NOSIP: variants seen among roughly 807,000 people sequenced by gnomAD.
The protein encoded by NOSIP is nitric oxide synthase-interacting protein.
NOSIP carries 25 observed loss-of-function variants against 36.4 expected under a neutral mutation model. That is an observed-to-expected ratio of 0.69 (90% confidence interval 0.50 to 0.96). The LOEUF (loss-of-function observed/expected upper bound fraction) is 0.96. Among genes scored for constraint, NOSIP ranks in the 40% least tolerant of loss-of-function variants. The probability of loss-of-function intolerance (pLI) is 0.00; values close to 1 mark genes in which losing one functional copy is unlikely to be tolerated. For synonymous variants in NOSIP, 187 were observed against 179.2 expected (o/e 1.04, Z -0.35); for missense variants, 370 against 429.0 (o/e 0.86, Z 1.21).
At chr19:49,559,009 G>A (rs781263509) in intron 3 of NOSIP, 31 bp from the exon 4 acceptor site, 2 of 1,583,874 alleles carry the variant, frequency 1.3e-6, no homozygotes, top group Admixed American at 3.3e-5. Flanking sequence ...GAGAAAGAAA[G>A]AAAGTGATCC....
intron 1 of NOSIP, among the ~76,000 whole-genome samples, chr19:49,580,300 G>C (rs1450554453): frequency 7.1e-6 from 1 of 140,716 alleles, no homozygotes; most frequent in Non-Finnish European, 1.6e-5. Flanking sequence ...GAGAGAGAGA[G>C]ACAAAGAGAG....
In NOSIP at chr19:49,564,471, A is replaced by T. The variant is rs545166856; in HGVS notation, c.-1-3779T>A. 2.6e-5 allele frequency among the ~76,000 whole-genome samples: 4 copies of T among 151,572 alleles called. No individual in the cohort carries two copies. The East Asian group carries it at 5.8e-4, about 22-fold the overall frequency. On this transcript the variant is annotated intron_variant, in intron 1 of 8. Coordinates refer to ENST00000596358, the MANE Select transcript of NOSIP (RefSeq NM_001270960.2). Reference sequence around the variant, plus strand: ...TCCATCTCAAAAAAAAAAAAAAAAAAAAAAACAAAATAAAACTTCATTGAG... The same window carrying T: ...TCCATCTCAAAAAAAAAAAAAAAAATAAAAACAAAATAAAACTTCATTGAG...
Position 49,559,931 on chromosome 19 carries a change from C to T in NOSIP, c.176+3G>A. 1.2e-6 allele frequency: 2 copies of T among 1,606,394 alleles called. No homozygotes were observed. Among genetic ancestry groups the T allele is most frequent in the Non-Finnish European group, 8.5e-7 (1 of 1,173,820 alleles). On this transcript the variant is annotated splice_donor_region_variant and intron_variant, in intron 3 of 8. Transcript: ENST00000596358. ...GACCTACCCATCCCTGTTCCCAGCT[C>T]ACGTGACAACAGGATCGTGGCAAGG...
Position 49,557,130 on chromosome 19 carries a change from G to A in NOSIP, c.378C>T (p.Leu126=). The A allele has an allele frequency of 6.2e-7, 1 of 1,612,942 alleles. No individual in the cohort carries two copies. Among genetic ancestry groups the A allele is most frequent in the Non-Finnish European group, 8.5e-7 (1 of 1,179,628 alleles). Residue 126 remains leucine (L), a synonymous_variant, in exon 5 of 9, where the codon CTC becomes CTT. Transcript: ENST00000596358. ...EKESAIVSRP[L]NPFTAKALSG... ...AGAGGGCCTTGGCTGTGAAAGGGTT[G>A]AGGGGCCGGCTCACGATAGCCGACT...
chr19:49,570,147 A>G (rs1455191183), intron 1 of NOSIP, among the ~76,000 whole-genome samples: 2 of 152,136 alleles, frequency 1.3e-5, no homozygotes, highest in Non-Finnish European at 2.9e-5. Context: ...CTTGCAGACA[A>G]AAGGCTCCAC....
intron 1 of NOSIP, among the ~76,000 whole-genome samples, chr19:49,565,272 C>CA (rs559157704): frequency 0.11 from 15,817 of 138,778 alleles, 2,243 homozygotes; most frequent in African/African-American, 0.33. Context: ...GACCCTGTCT[C>CA]AAAAAAAAAA....
At chr19:49,562,529 G>C (rs1429262241) in intron 1 of NOSIP, among the ~76,000 whole-genome samples, 3 of 152,148 alleles carry the variant, frequency 2.0e-5, no homozygotes, top group African/African-American at 7.2e-5. Flanking sequence ...GTTGAGCCCA[G>C]GAGATGGAGA....
chr19:49,562,027 C>T (rs1482477479), intron 1 of NOSIP, among the ~76,000 whole-genome samples: 2 of 151,994 alleles, frequency 1.3e-5, no homozygotes. Context: ...CCCTACTTTT[C>T]TGGAGTTCAT....
At chr19:49,569,733 G>A (rs954619152) in intron 1 of NOSIP, among the ~76,000 whole-genome samples, 8 of 151,548 alleles carry the variant, frequency 5.3e-5, no homozygotes, top group Non-Finnish European at 8.8e-5. Context: ...GCTTGAACCC[G>A]GGAGGTGGAG....
chr19:49,562,264 G>C (rs2080345936), intron 1 of NOSIP, among the ~76,000 whole-genome samples: 1 of 152,160 alleles, frequency 6.6e-6, no homozygotes. Flanking sequence ...AGGGATTACA[G>C]GTGCCTGCCA....
At chr19:49,566,059 G>C (rs148081494) in intron 1 of NOSIP, among the ~76,000 whole-genome samples, 1 of 148,074 alleles carries the variant, frequency 6.8e-6, no homozygotes, top group Non-Finnish European at 1.5e-5. Flanking sequence ...TCGCTCTGTC[G>C]TCCAGGCTGG....
chr19:49,565,283 A>C, intron 1 of NOSIP, among the ~76,000 whole-genome samples: 1 of 151,332 alleles, frequency 6.6e-6, no homozygotes. Flanking sequence ...AAAAAAAAAA[A>C]AGTCAGGTGC....
chr19:49,557,187 C>T lies in NOSIP; in HGVS notation c.321G>A (p.Ser107=), dbSNP rs1031269521. 1 of 1,606,980 alleles carries T rather than the reference C, an allele frequency of 6.2e-7. No homozygotes were observed. Among genetic ancestry groups the T allele is most frequent in the South Asian group, 1.1e-5 (1 of 89,596 alleles). Residue 107 remains serine, a synonymous_variant, in exon 5 of 9, where the codon TCG becomes TCA. Transcript: ENST00000596358. ...EEQKELQRAA[S]QDHVRGFLEK... ...CCAGGAAGCCCCGCACATGGTCCTG[C>T]GAGGCCGCCCGCTGAAGCTCCTTCT...
rs2080251347 is a variant in NOSIP, at chr19:49,556,617, C to T, written c.657G>A (p.Glu219=). 6.2e-7 allele frequency: 1 copy of T among 1,608,168 alleles called. No individual in the cohort carries two copies. ...VDRVGLITRS[E]RYVCAVTRDS... The stretch of plus-strand genomic sequence containing the variant: ...CGCGGGTCACGGCACACACGTAGCG[C>T]TCGCTGCGGGTGATGAGCCCCACGC... The change falls in exon 7 of 9, where the codon GAG becomes GAA. Residue 219 remains glutamate (E), a synonymous_variant. Transcript: ENST00000596358.
intron 7 of NOSIP, 24 bp from the exon 8 acceptor site, chr19:49,556,449 G>T (rs367578345): frequency 2.2e-5 from 36 of 1,611,232 alleles, no homozygotes; most frequent in Non-Finnish European, 3.0e-5. Context: ...GAAGGCGGGA[G>T]ACTCTGATCA....
intron 1 of NOSIP, among the ~76,000 whole-genome samples, chr19:49,574,199 A>G (rs1236684062): frequency 1.3e-5 from 2 of 152,066 alleles, no homozygotes; most frequent in Non-Finnish European, 2.9e-5. Flanking sequence ...AAGCTTGGAG[A>G]AATTGGCCTC....
In NOSIP at chr19:49,560,297, C is replaced by T. The variant is rs1382608528; in HGVS notation, c.71-258G>A. 3 of 576,742 alleles carry T rather than the reference C, an allele frequency of 5.2e-6. No individual in the cohort carries two copies. Among genetic ancestry groups the T allele is most frequent in the Admixed American group, 6.2e-5 (2 of 32,476 alleles). The allele number at this position is 576,742 out of a possible 1,614,324, so 35.7% of individuals were successfully genotyped here. On this transcript the variant is annotated intron_variant, in intron 2 of 8. Transcript: ENST00000596358. The surrounding 1 kb of genome is among the most constrained non-coding windows in gnomAD (Gnocchi z 4.6). ...TGGTGGAGGGGCTGACGGCTGACTC[C>T]CCTCCACCCTTCTGACTGTGACCAA...
chr19:49,579,099 C>T (rs145801748), intron 1 of NOSIP: 4 of 152,082 alleles, frequency 2.6e-5, no homozygotes, highest in Middle Eastern at 3.4e-3. Context: ...GGGAACAGTT[C>T]TAAATTAAGA....
chr19:49,573,055 G>A (rs1019277206), intron 1 of NOSIP, among the ~76,000 whole-genome samples: 4 of 150,792 alleles, frequency 2.7e-5, no homozygotes, highest in Non-Finnish European at 4.4e-5. Context: ...CACCTCAAAC[G>A]GTCGAATATC....
Sources: gnomAD v4.1 joint callset for allele counts (sites outside exome capture counted in the v4.1 genomes callset) on GRCh38, gnomAD v4.1.1 for gene constraint, Gnocchi (gnomAD v3.1) non-coding constraint, MANE v1.5 for transcripts, NCBI Gene and HGNC (gene_info 2026-07-23, HGNC 2026-07-21) for gene names.